RANBP2: variants seen among roughly 807,000 people sequenced by gnomAD.
RANBP2 encodes the protein E3 SUMO-protein ligase RanBP2.
In RANBP2, 57 loss-of-function variants were observed where a neutral mutation model predicts 303.6. The ratio of observed to expected loss-of-function variants is 0.19; its 90% CI spans 0.15 to 0.23. RANBP2 has a LOEUF of 0.23. Ranked by LOEUF, RANBP2 falls within the 10% of genes least tolerant of loss-of-function variation. The pLI is 1.00. For synonymous variants in RANBP2, 1,167 were observed against 1,301.5 expected (o/e 0.90, Z 2.23); for missense variants, 3,138 against 3,780.8 (o/e 0.83, Z 4.46).
chr2:109,692,642 C>T, the RANBP2 span, among the ~76,000 whole-genome samples: 2 of 152,122 alleles, frequency 1.3e-5, no homozygotes, highest in Non-Finnish European at 2.9e-5. Flanking sequence ...CACTTCCCCA[C>T]TGCGGCCCGG....
chr2:109,251,467 A>G, the RANBP2 span: 1 of 734,000 alleles, frequency 1.4e-6, no homozygotes, highest in South Asian at 1.3e-5. Context: ...TATGGACAAG[A>G]AGTTGTCATT....
chr2:109,424,188 G>A, the RANBP2 span, among the ~76,000 whole-genome samples: 4 of 152,306 alleles, frequency 2.6e-5, no homozygotes, highest in Middle Eastern at 3.4e-3. Flanking sequence ...TCTGATCCTC[G>A]GGGCTCTGGA....
chr2:109,653,122 C>T, the RANBP2 span, among the ~76,000 whole-genome samples: 5 of 151,980 alleles, frequency 3.3e-5, no homozygotes, highest in South Asian at 2.1e-4. Context: ...TGTGGCTGGG[C>T]GTTGTGGCTC....
chr2:108,788,796 G>T (rs1163718225), downstream of RANBP2: 2 of 1,607,396 alleles, frequency 1.2e-6, no homozygotes. Flanking sequence ...GCCAGTGCCA[G>T]ATATTTTGTG....
At chr2:109,172,948 T>C in the RANBP2 span, among the ~76,000 whole-genome samples, 1 of 152,388 alleles carries the variant, frequency 6.6e-6, no homozygotes, top group South Asian at 2.1e-4. Context: ...GACTGGTAGC[T>C]GTGGGAACAC....
the RANBP2 span, among the ~76,000 whole-genome samples, chr2:109,246,878 CA>C: frequency 2.0e-5 from 3 of 152,164 alleles, no homozygotes; most frequent in African/African-American, 7.2e-5. Context: ...CATTCGGTGG[CA>C]CAGGTTTGAT....
the RANBP2 span, among the ~76,000 whole-genome samples, chr2:109,346,369 T>G: frequency 6.6e-6 from 1 of 152,348 alleles, no homozygotes; most frequent in East Asian, 1.9e-4. Flanking sequence ...AAAGAGTTTT[T>G]CGATGTACTA....
At chr2:109,654,681 A>G in the RANBP2 span, among the ~76,000 whole-genome samples, 1 of 152,208 alleles carries the variant, frequency 6.6e-6, no homozygotes, top group South Asian at 2.1e-4. Context: ...CAAATACATA[A>G]GCAATCCCAG....
At chr2:109,180,822 A>G in the RANBP2 span, among the ~76,000 whole-genome samples, 2 of 152,190 alleles carry the variant, frequency 1.3e-5, no homozygotes, top group African/African-American at 4.8e-5. Flanking sequence ...GAAACAGACT[A>G]ATATACTCAG....
chr2:109,207,577 A>G, the RANBP2 span, among the ~76,000 whole-genome samples: 55 of 152,328 alleles, frequency 3.6e-4, no homozygotes, highest in Middle Eastern at 3.4e-3. Context: ...GTGTGCTATT[A>G]AGATATTGAA....
At chr2:109,211,253 A>G in the RANBP2 span, among the ~76,000 whole-genome samples, 57 of 152,356 alleles carry the variant, frequency 3.7e-4, no homozygotes, top group African/African-American at 1.2e-3. Flanking sequence ...GCAGCTGGCT[A>G]GGTGGTGAGG....
intron 18 of RANBP2, among the ~76,000 whole-genome samples, chr2:108,761,822 T>C (rs1235696566): frequency 6.6e-6 from 1 of 152,182 alleles, no homozygotes; most frequent in Non-Finnish European, 1.5e-5. Context: ...CAACAGTTAC[T>C]TTCTTCTTTA....
At chr2:109,142,045 G>T in the RANBP2 span, among the ~76,000 whole-genome samples, 1 of 147,582 alleles carries the variant, frequency 6.8e-6, no homozygotes, top group Non-Finnish European at 1.5e-5. Context: ...GAGTCTCCTG[G>T]GGGGGGGGTC....
the RANBP2 span, among the ~76,000 whole-genome samples, chr2:109,345,323 G>A: frequency 6.6e-6 from 1 of 152,146 alleles, no homozygotes; most frequent in East Asian, 1.9e-4. Context: ...TCCCCTTCTC[G>A]GGGGCATTGC....
chr2:109,621,931 A>AAATAAATAAAT, the RANBP2 span, among the ~76,000 whole-genome samples: 1 of 151,900 alleles, frequency 6.6e-6, no homozygotes, highest in Admixed American at 6.6e-5. Flanking sequence ...ATAAATAAAT[A>AAATAAATAAAT]AATAAATAAA....
chr2:109,304,203 C>T, the RANBP2 span, among the ~76,000 whole-genome samples: 3 of 152,286 alleles, frequency 2.0e-5, no homozygotes, highest in South Asian at 4.1e-4. Flanking sequence ...CCAGAACTTA[C>T]TCATCTTGCA....
chr2:108,862,601 G>A, the RANBP2 span, among the ~76,000 whole-genome samples: 1 of 151,970 alleles, frequency 6.6e-6, no homozygotes, highest in African/African-American at 2.4e-5. Context: ...TATGTTATTT[G>A]GTTTGATTTA....
At chr2:108,922,677 C>T in the RANBP2 span, among the ~76,000 whole-genome samples, 1 of 152,056 alleles carries the variant, frequency 6.6e-6, no homozygotes, top group Non-Finnish European at 1.5e-5. Context: ...CTTGAAGGAG[C>T]CAGAGGGTGG....
chr2:109,695,173 T>A, the RANBP2 span, among the ~76,000 whole-genome samples: 22 of 130,328 alleles, frequency 1.7e-4, no homozygotes, highest in Non-Finnish European at 2.4e-4. Flanking sequence ...TTGCAAAGAA[T>A]TTTTTTTTCT....
Sources: allele counts gnomAD v4.1 joint callset (sites outside exome capture counted in the v4.1 genomes callset), GRCh38; gene constraint gnomAD v4.1.1; transcripts MANE v1.5; gene names NCBI Gene and HGNC (gene_info 2026-07-23, HGNC 2026-07-21).